The following DPP4 variants were observed in gnomAD, a reference collection of about 807,000 sequenced individuals.
The protein encoded by DPP4 is ADCP-2.
DPP4 carries 93 observed loss-of-function variants against 122.4 expected under a neutral mutation model. The observed-to-expected ratio is 0.76, with a 90% CI of 0.64 to 0.90. The LOEUF is 0.90. Among genes scored for constraint, DPP4 ranks in the 40% least tolerant of loss-of-function variants. DPP4 has a pLI of 0.00. For missense variants in DPP4, 914 were observed against 907.3 expected (o/e 1.01, Z -0.09); for synonymous variants, 321 against 302.9 (o/e 1.06, Z -0.62).
At chr2:162,046,666 G>T in intron 4 of DPP4, 4 of 567,650 alleles carry the variant, frequency 7.0e-6, no homozygotes, top group South Asian at 6.1e-5. Context: ...AGTGAAGAGG[G>T]AGGCAAATGA....
chr2:162,005,836 A>G (rs201401039), intron 22 of DPP4, 27 bp from the exon 23 acceptor site: 84 of 1,590,320 alleles, frequency 5.3e-5, no homozygotes, highest in Non-Finnish European at 6.9e-5. Context: ...AATAAAAAAA[A>G]GTTTAATTCA....
rs750629831 is a variant in DPP4, at chr2:162,022,823, C to T, written c.1024-24G>A. 6 of 1,613,386 alleles carry T rather than the reference C, an allele frequency of 3.7e-6. No individual in the cohort carries two copies. In the South Asian group the frequency reaches 5.5e-5, roughly 15 times the overall value. ...GCCTAGGAAGGGAAAGAGACAATGA[C>T]AGCATTTCAAAGAGAAGTCAGATGA... On this transcript the variant is annotated intron_variant, in intron 11 of 25. Transcript: ENST00000360534.
chr2:162,020,531 CAA>C (rs373538683), intron 13 of DPP4, 48 bp downstream of exon 13: 812 of 1,117,706 alleles, frequency 7.3e-4, no homozygotes, highest in South Asian at 1.4e-3. Flanking sequence ...AGTTGGTTTC[CAA>C]AAAAAAAAAA....
chr2:162,032,442 C>T (rs554881015), intron 10 of DPP4, among the ~76,000 whole-genome samples: 26 of 152,234 alleles, frequency 1.7e-4, no homozygotes, highest in African/African-American at 6.0e-4. Flanking sequence ...AATCCCAGCA[C>T]TTTGGGAGGC....
At chr2:162,034,727 T>A (rs1467783935) in intron 9 of DPP4, among the ~76,000 whole-genome samples, 1 of 152,196 alleles carries the variant, frequency 6.6e-6, no homozygotes, top group Non-Finnish European at 1.5e-5. Context: ...TAGTGCCAAA[T>A]CTATAATAGA....
chr2:162,018,373 T>A (rs552796775), intron 16 of DPP4, among the ~76,000 whole-genome samples: 1 of 152,324 alleles, frequency 6.6e-6, no homozygotes, highest in South Asian at 2.1e-4. Context: ...GATGGAGCAG[T>A]GAGCATGTTG....
intron 10 of DPP4, among the ~76,000 whole-genome samples, chr2:162,029,366 C>T (rs770378543): frequency 1.3e-4 from 20 of 152,176 alleles, no homozygotes; most frequent in Non-Finnish European, 4.4e-5. Flanking sequence ...GTGAATCACC[C>T]GAGGAAGCGG....
chr2:162,067,644 A>G (rs1684990993), intron 2 of DPP4, among the ~76,000 whole-genome samples: 1 of 151,572 alleles, frequency 6.6e-6, no homozygotes, highest in African/African-American at 2.4e-5. Context: ...GAAGAACAAT[A>G]TAAAACAATA....
chr2:162,030,248 C>A (rs892680267), intron 10 of DPP4, among the ~76,000 whole-genome samples: 4 of 152,202 alleles, frequency 2.6e-5, no homozygotes, highest in African/African-American at 9.6e-5. Flanking sequence ...TCAACTTTAG[C>A]ACTAAATCAA....
intron 10 of DPP4, 93 bp downstream of exon 10, chr2:162,033,448 G>A: frequency 2.4e-6 from 2 of 837,178 alleles, no homozygotes; most frequent in South Asian, 3.3e-5. Flanking sequence ...CACAGTGGGA[G>A]GCTGTGATCC....
chr2:162,030,831 T>C (rs1258601413), intron 10 of DPP4, among the ~76,000 whole-genome samples: 2 of 152,212 alleles, frequency 1.3e-5, no homozygotes, highest in Non-Finnish European at 2.9e-5. Context: ...CAATATTCTT[T>C]GGTAATATAC....
At position 161,993,319 on chromosome 2, in the gene DPP4, CAT is replaced by C. The variant is rs1450905548; in HGVS notation, c.2263_2264del (p.Met755GlufsTer24). The C allele has an allele frequency of 7.4e-6, 12 of 1,613,618 alleles. No individual in the cohort carries two copies. Among genetic ancestry groups the C allele is most frequent in the Admixed American group, 6.7e-5 (4 of 60,008 alleles). ...AGAAACATTGTTTTATGAAGTGGCT[CAT>C]GTGGGTATATATATGTTGGTGTGCT... ...STAHQHIYTH[M>X]SHFIKQCFSL... On this transcript the variant is annotated frameshift_variant, in exon 26 of 26. Coordinates refer to ENST00000360534, the MANE Select transcript of DPP4 (RefSeq NM_001935.4). LOFTEE classifies it high-confidence loss of function.
chr2:161,993,501 A>AT, intron 25 of DPP4, 117 bp from the exon 26 acceptor site: 4 of 688,586 alleles, frequency 5.8e-6, no homozygotes, highest in Non-Finnish European at 9.7e-6. Flanking sequence ...AGAGTGTTTT[A>AT]ATTCCTGAGG....
At chr2:162,004,184 A>G (rs1701222799) in intron 23 of DPP4, among the ~76,000 whole-genome samples, 1 of 152,218 alleles carries the variant, frequency 6.6e-6, no homozygotes, top group Non-Finnish European at 1.5e-5. Context: ...AGTTGAGTAC[A>G]CAAGAAGGAA....
chr2:162,033,582 T>C lies in DPP4; in HGVS notation c.846A>G (p.Ala282=). ...NTDSLSSVTN[A]TSIQITAPAS... ...CAGGAGCAGTGATTTGTATGGAAGT[T>C]GCATTGGTGACTGAGCTGAGAGAGT... is the stretch of plus-strand genomic sequence containing the variant. Residue 282 remains alanine (A), a synonymous_variant, in exon 10 of 26, where the codon GCA becomes GCG. Transcript: ENST00000360534. 1.2e-6 allele frequency: 2 copies of C among 1,613,390 alleles called. No homozygotes were observed. The highest frequency in any genetic ancestry group is 1.7e-6 in the Non-Finnish European group (2 of 1,179,720).
rs570995281 is a variant in DPP4, at chr2:161,996,500, G to A, written c.2053-1128C>T. ...GGTGGTCTGGCAGGAAGGGGATGGG[G>A]CTAAAGTAACAGTGTTTGTATTCAA... On this transcript the variant is annotated intron_variant, in intron 23 of 25. Transcript: ENST00000360534. 5.3e-4 allele frequency among the ~76,000 whole-genome samples: 81 copies of A among 152,314 alleles called. 2 individuals carry two copies. Among genetic ancestry groups the A allele is most frequent in the African/African-American group, 1.9e-3 (78 of 41,572 alleles).
intron 5 of DPP4, 94 bp from the exon 6 acceptor site, chr2:162,039,278 G>T: frequency 9.6e-7 from 1 of 1,040,656 alleles, no homozygotes; most frequent in Non-Finnish European, 1.5e-6. Flanking sequence ...GGTAATATAT[G>T]ATTGTATAAT....
At chr2:162,009,340 A>G (rs756946404) in intron 20 of DPP4, 45 bp from the exon 21 acceptor site, 3 of 1,573,912 alleles carry the variant, frequency 1.9e-6, no homozygotes, top group Non-Finnish European at 2.6e-6. Flanking sequence ...TGCATTGTGT[A>G]TAGAAAACTT....
intron 2 of DPP4, among the ~76,000 whole-genome samples, chr2:162,048,515 G>A (rs888027405): frequency 3.3e-5 from 5 of 152,030 alleles, no homozygotes; most frequent in African/African-American, 7.2e-5. Context: ...CTCCACGACC[G>A]ACACAAGACT....
Sources: gnomAD v4.1 joint callset for allele counts (sites outside exome capture counted in the v4.1 genomes callset) on GRCh38, gnomAD v4.1.1 for gene constraint, MANE v1.5 for transcripts, NCBI Gene and HGNC (gene_info 2026-07-23, HGNC 2026-07-21) for gene names.